Variants in NALCN observed in about 807,000 individuals in gnomAD.
The protein encoded by NALCN is sodium leak channel NALCN.
Under a neutral mutation model 225.3 loss-of-function variants are expected in NALCN, and 111 were observed. That is an observed-to-expected ratio of 0.49 (90% confidence interval 0.42 to 0.58). The LOEUF (loss-of-function observed/expected upper bound fraction) is 0.58. Among genes scored for constraint, NALCN ranks in the 20% least tolerant of loss-of-function variants. The probability of loss-of-function intolerance (pLI) is 0.00; values close to 1 mark genes in which losing one functional copy is unlikely to be tolerated. For missense variants in NALCN, 1,378 were observed against 2,202.4 expected (o/e 0.63, Z 7.49); for synonymous variants, 764 against 769.0 (o/e 0.99, Z 0.11).
chr13:101,294,560 CT>C (rs10615640), intron 7 of NALCN, among the ~76,000 whole-genome samples: 1,348 of 87,848 alleles, frequency 0.015, 13 homozygotes, highest in African/African-American at 0.039. Flanking sequence ...TTTATTGTTT[CT>C]TTTTTTTTTT....
At chr13:101,184,923 A>G (rs749675895) in intron 14 of NALCN, among the ~76,000 whole-genome samples, 1 of 152,026 alleles carries the variant, frequency 6.6e-6, no homozygotes, top group Non-Finnish European at 1.5e-5. Context: ...TAGCTTAAAG[A>G]TGTCCCTTTA....
intron 1 of NALCN, among the ~76,000 whole-genome samples, chr13:101,413,587 A>G (rs1350873349): frequency 1.3e-5 from 2 of 152,150 alleles, no homozygotes; most frequent in African/African-American, 2.4e-5. Context: ...AAGTTGTCCA[A>G]TGCCACGATG....
chr13:101,073,441 GCAATTT>G (rs1307725189), intron 37 of NALCN, 137 bp downstream of exon 37: 1 of 603,406 alleles, frequency 1.7e-6, no homozygotes, highest in Non-Finnish European at 2.7e-6. Flanking sequence ...GTATAATAAT[GCAATTT>G]TATGGACTGA....
At chr13:101,309,147 C>T (rs1482794375) in intron 7 of NALCN, among the ~76,000 whole-genome samples, 1 of 152,110 alleles carries the variant, frequency 6.6e-6, no homozygotes, top group Non-Finnish European at 1.5e-5. Context: ...TGTCCCATTT[C>T]AAGGCTTTAA....
intron 7 of NALCN, among the ~76,000 whole-genome samples, chr13:101,337,578 G>A (rs1388116970): frequency 6.6e-6 from 1 of 152,126 alleles, no homozygotes; most frequent in Admixed American, 6.5e-5. Context: ...AAAGTGCTTG[G>A]ATTACAGGCT....
At chr13:101,187,636 T>C (rs2039504602) in intron 14 of NALCN, among the ~76,000 whole-genome samples, 1 of 152,186 alleles carries the variant, frequency 6.6e-6, no homozygotes, top group Admixed American at 6.5e-5. Context: ...GGTGCTCCCT[T>C]ATTAATAATT....
chr13:101,070,845 G>A (rs909075447), intron 37 of NALCN, among the ~76,000 whole-genome samples: 2 of 152,298 alleles, frequency 1.3e-5, no homozygotes, highest in South Asian at 4.1e-4. Flanking sequence ...ACCTGAGACT[G>A]GGTAATTTAT....
At chr13:101,063,209 C>A (rs1336328598) in intron 40 of NALCN, among the ~76,000 whole-genome samples, 1 of 152,204 alleles carries the variant, frequency 6.6e-6, no homozygotes, top group Non-Finnish European at 1.5e-5. Flanking sequence ...CATCCTAGAG[C>A]CCAAATCACA....
At chr13:101,095,121 T>C (rs2034434205) in intron 28 of NALCN, among the ~76,000 whole-genome samples, 2 of 152,188 alleles carry the variant, frequency 1.3e-5, no homozygotes, top group South Asian at 4.1e-4. Flanking sequence ...ATTATTCCTC[T>C]CTAGTGTTTC....
chr13:101,219,473 G>A (rs1029169249), intron 13 of NALCN, among the ~76,000 whole-genome samples: 2 of 152,138 alleles, frequency 1.3e-5, no homozygotes, highest in African/African-American at 4.8e-5. Context: ...TTCACAAGCT[G>A]TCACTTGGAA....
In NALCN at chr13:101,054,795, T is replaced by TATCA. The variant is rs2031006482; in HGVS notation, c.*496_*499dup. The TATCA allele has an allele frequency of 6.6e-6, 1 of 152,446 alleles. No individual in the cohort carries two copies. The highest frequency in any genetic ancestry group is 6.5e-5 in the Admixed American group (1 of 15,292). 9.4% of individuals were successfully genotyped at this position (152,446 alleles called of 1,614,324 possible). ...CAGAATCTGTAGTTTGTAAAACTAC[T>TATCA]ATCATTTTAGCATAAGTTCAGTGCT... On this transcript the variant is annotated 3_prime_UTR_variant, in exon 44 of 44. Coordinates refer to ENST00000251127, the MANE Select transcript of NALCN (RefSeq NM_052867.4).
chr13:101,118,298 C>T (rs747045031), intron 18 of NALCN, among the ~76,000 whole-genome samples: 34 of 151,998 alleles, frequency 2.2e-4, no homozygotes, highest in Non-Finnish European at 4.0e-4. Context: ...TCAATAGTAG[C>T]CCTTCTAATC....
At chr13:101,162,819 A>G (rs886341185) in intron 15 of NALCN, among the ~76,000 whole-genome samples, 4 of 152,258 alleles carry the variant, frequency 2.6e-5, no homozygotes, top group Non-Finnish European at 5.9e-5. Flanking sequence ...CCTTACAGTT[A>G]AGCAGTGGGT....
In NALCN at chr13:101,106,599, C is replaced by T. The variant is rs2035117708; in HGVS notation, c.2579+888G>A. Among the ~76,000 whole-genome samples, 2 of 152,034 alleles carry T rather than the reference C, an allele frequency of 1.3e-5. 1 individual carries two copies. Among genetic ancestry groups the T allele is most frequent in the South Asian group, 4.1e-4 (2 of 4,820 alleles). On this transcript the variant is annotated intron_variant, in intron 22 of 43. Coordinates refer to ENST00000251127, the MANE Select transcript of NALCN (RefSeq NM_052867.4). ...AATTCCCACATGTTGTAGGAGGGAC[C>T]CAGTCAGAGATAATTGAATCATGGG...
intron 3 of NALCN, among the ~76,000 whole-genome samples, chr13:101,387,541 TAGTG>T (rs1303119507): frequency 1.3e-5 from 2 of 152,182 alleles, no homozygotes; most frequent in Non-Finnish European, 2.9e-5. Context: ...GCTTAAATGT[TAGTG>T]AGAAAATGCA....
At chr13:101,290,747 G>T (rs540296048) in intron 9 of NALCN, among the ~76,000 whole-genome samples, 9 of 152,164 alleles carry the variant, frequency 5.9e-5, no homozygotes, top group African/African-American at 1.7e-4. Flanking sequence ...CAACTTGAGG[G>T]TTTTCAAAAG....
At chr13:101,090,106 G>A in intron 28 of NALCN, 140 bp from the exon 29 acceptor site, 2 of 1,223,660 alleles carry the variant, frequency 1.6e-6, no homozygotes, top group Non-Finnish European at 2.3e-6. Flanking sequence ...ACACACACGT[G>A]TGCGTGCACA....
chr13:101,089,593 G>T lies in NALCN; in HGVS notation c.3489+70C>A. 7.0e-7 allele frequency: 1 copy of T among 1,430,510 alleles called. No homozygotes were observed. Among genetic ancestry groups the T allele is most frequent in the East Asian group, 2.3e-5 (1 of 43,676 alleles). The allele number at this position is 1,430,510 out of a possible 1,614,324, so 88.6% of individuals were successfully genotyped here. On this transcript the variant is annotated intron_variant, in intron 30 of 43. Coordinates refer to ENST00000251127, the MANE Select transcript of NALCN (RefSeq NM_052867.4). This position sits in a 1 kb window ranked among gnomAD's most constrained non-coding sequence, Gnocchi z 4.7. ...AGCGGCTTCACGCCGCGTGTGAAAA[G>T]AAACAAATAGCTCAAAGTGAGTGGC...
At chr13:101,276,370 ATTAAG>A (rs1264396491) in intron 10 of NALCN, among the ~76,000 whole-genome samples, 1 of 152,228 alleles carries the variant, frequency 6.6e-6, no homozygotes, top group Admixed American at 6.5e-5. Context: ...AATTAATATA[ATTAAG>A]TTGATTAACA....
Sources: gnomAD v4.1 joint callset for allele counts (sites outside exome capture counted in the v4.1 genomes callset) on GRCh38, gnomAD v4.1.1 for gene constraint, Gnocchi (gnomAD v3.1) non-coding constraint, MANE v1.5 for transcripts, NCBI Gene and HGNC (gene_info 2026-07-23, HGNC 2026-07-21) for gene names.